KSR2: variants seen among roughly 807,000 people sequenced by gnomAD.
KSR2 encodes kinase suppressor of ras 2.
A neutral mutation model predicts 107.8 loss-of-function variants in KSR2; 25 were observed. That is an observed-to-expected ratio of 0.23 (90% CI 0.17 to 0.32). KSR2 has a LOEUF of 0.32. Ranked by LOEUF, KSR2 falls within the 10% of genes least tolerant of loss-of-function variation. The pLI is 1.00. For synonymous variants in KSR2, 480 were observed against 507.0 expected (o/e 0.95, Z 0.71); for missense variants, 887 against 1,268.9 (o/e 0.70, Z 4.57).
In KSR2 at chr12:117,496,900, C is replaced by T. The variant is rs181278396; in HGVS notation, c.2220-11209G>A. On this transcript the variant is annotated intron_variant, in intron 14 of 19. Coordinates refer to ENST00000339824, the MANE Select transcript of KSR2 (RefSeq NM_173598.6). Reference sequence around the variant, plus strand: ...GAGTCTCGCTCTGTTGCCCAGGCTGCAGTGCAGTGGCACAATCTCAGCTCA... The same window carrying T: ...GAGTCTCGCTCTGTTGCCCAGGCTGTAGTGCAGTGGCACAATCTCAGCTCA... Among the ~76,000 whole-genome samples the T allele has an allele frequency of 5.6e-3, 850 of 151,078 alleles. 1 individual carries two copies. The highest frequency in any genetic ancestry group is 0.014 in the Middle Eastern group (4 of 294).
intron 5 of KSR2, among the ~76,000 whole-genome samples, chr12:117,617,293 C>T (rs565322837): frequency 9.9e-5 from 15 of 152,220 alleles, no homozygotes; most frequent in Non-Finnish European, 1.6e-4. Context: ...CTAATCCTTC[C>T]GCTAGTTCAC....
chr12:117,862,730 T>TGC, intron 1 of KSR2, among the ~76,000 whole-genome samples: 1 of 105,768 alleles, frequency 9.5e-6, no homozygotes, highest in Non-Finnish European at 1.8e-5. Context: ...TTCCCCCCCT[T>TGC]TTTTTTTTTT....
chr12:117,865,223 G>A lies in KSR2; in HGVS notation c.181-4792C>T, dbSNP rs994477279. Among the ~76,000 whole-genome samples the A allele has an allele frequency of 4.0e-4, 61 of 152,246 alleles. 2 individuals carry two copies. The highest frequency in any genetic ancestry group is 3.4e-3 in the Middle Eastern group (1 of 294). On this transcript the variant is annotated intron_variant, in intron 1 of 19. Coordinates refer to ENST00000339824, the MANE Select transcript of KSR2 (RefSeq NM_173598.6). ...AAGATAATGTACTTTTAATCGGATA[G>A]AAAACTGTGTCTTCCTAATTTGTAA...
intron 5 of KSR2, among the ~76,000 whole-genome samples, chr12:117,603,374 TA>T (rs2136296198): frequency 6.6e-6 from 1 of 152,368 alleles, no homozygotes; most frequent in African/African-American, 2.4e-5. Context: ...ACAGTAGCCC[TA>T]TGCACAGAAC....
Position 117,539,557 on chromosome 12 carries a change from A to G in KSR2, c.1687+162T>C, listed in dbSNP as rs572583577. ...TATAAGGGTAATTGCTTAGGGTACG[A>G]TAAGGGTCAGTCCACATACTTCCTT... On this transcript the variant is annotated intron_variant, in intron 10 of 19. Coordinates refer to ENST00000339824, the MANE Select transcript of KSR2 (RefSeq NM_173598.6). 2.5e-4 allele frequency: 152 copies of G among 603,116 alleles called. 2 individuals carry two copies. In the South Asian group the frequency reaches 3.6e-3, roughly 14 times the overall value. 37.4% of individuals were successfully genotyped at this position (603,116 alleles called of 1,614,324 possible). A position where few individuals can be genotyped will look rare whatever the true frequency, so the allele number is the denominator to read the frequency against.
At chr12:117,874,728 C>G (rs984163664) in intron 1 of KSR2, among the ~76,000 whole-genome samples, 1 of 152,038 alleles carries the variant, frequency 6.6e-6, no homozygotes, top group Non-Finnish European at 1.5e-5. Flanking sequence ...AGAAAAGGGC[C>G]TTTGTATGGC....
Position 117,686,215 on chromosome 12 carries a change from A to ATTTTTTTTT in KSR2, c.987-18566_987-18558dup, listed in dbSNP as rs55772468. Among the ~76,000 whole-genome samples, 425 of 78,006 alleles carry ATTTTTTTTT rather than the reference A, an allele frequency of 5.4e-3. 18 individuals are homozygous for ATTTTTTTTT. Among genetic ancestry groups the ATTTTTTTTT allele is most frequent in the Non-Finnish European group, 6.8e-3 (312 of 46,038 alleles). The allele number at this position is 78,006 out of a possible 152,430, so 51.2% of individuals were successfully genotyped here. ...AGGCACACACCACCACACCCAGCTA[A>ATTTTTTTTT]TTTTTTTTTTTTTTTTTTTTTTTTT... On this transcript the variant is annotated intron_variant, in intron 4 of 19. Coordinates refer to ENST00000339824, the MANE Select transcript of KSR2 (RefSeq NM_173598.6).
chr12:117,747,545 A>C (rs1888455675), intron 4 of KSR2, among the ~76,000 whole-genome samples: 1 of 152,170 alleles, frequency 6.6e-6, no homozygotes, highest in African/African-American at 2.4e-5. Context: ...GCACATGTAT[A>C]CCTGTGTGAC....
At chr12:117,502,800 G>A (rs1408586264) in intron 14 of KSR2, among the ~76,000 whole-genome samples, 1 of 152,166 alleles carries the variant, frequency 6.6e-6, no homozygotes, top group African/African-American at 2.4e-5. Context: ...AAAACACCCT[G>A]ATTTCACAGC....
chr12:117,877,169 T>G (rs1893880342), intron 1 of KSR2, among the ~76,000 whole-genome samples: 1 of 152,252 alleles, frequency 6.6e-6, no homozygotes, highest in East Asian at 1.9e-4. Flanking sequence ...AAACCCTGTC[T>G]CTACTAAAAA....
rs577481017 is a variant in KSR2 at position 117,564,772 on chromosome 12, G to C, written c.1326-6199C>G. 3.9e-5 allele frequency among the ~76,000 whole-genome samples: 6 copies of C among 152,276 alleles called. No homozygotes were observed. The South Asian group carries it at 1.2e-3, about 32-fold the overall frequency. Reference sequence around the variant, plus strand: ...TTATCTGGTGGGTAAGTATCAGAGAGATGGAGGGAAAGAGGAGGAAAGAAA... The same window carrying C: ...TTATCTGGTGGGTAAGTATCAGAGACATGGAGGGAAAGAGGAGGAAAGAAA... On this transcript the variant is annotated intron_variant, in intron 7 of 19. Transcript: ENST00000339824.
chr12:117,958,470 T>C (rs1027667010), intron 1 of KSR2, among the ~76,000 whole-genome samples: 1 of 152,270 alleles, frequency 6.6e-6, no homozygotes, highest in East Asian at 1.9e-4. Flanking sequence ...CACTGTGGCA[T>C]TGTTATAAAA....
At chr12:117,874,924 G>T (rs149363298) in intron 1 of KSR2, among the ~76,000 whole-genome samples, 1 of 152,278 alleles carries the variant, frequency 6.6e-6, no homozygotes, top group East Asian at 1.9e-4. Context: ...CTGCCCAGGT[G>T]TAGAATGAGG....
chr12:117,506,337 A>G (rs2137187233), intron 14 of KSR2, among the ~76,000 whole-genome samples: 1 of 152,302 alleles, frequency 6.6e-6, no homozygotes, highest in South Asian at 2.1e-4. Context: ...GGTTCTCCAT[A>G]TTATATGTTA....
chr12:117,565,333 G>A (rs1191194463), intron 7 of KSR2, among the ~76,000 whole-genome samples: 1 of 152,150 alleles, frequency 6.6e-6, no homozygotes, highest in African/African-American at 2.4e-5. Context: ...TCTGACTAGG[G>A]CCCAGTCTTT....
chr12:117,856,126 C>T (rs1026547926), intron 2 of KSR2, among the ~76,000 whole-genome samples: 5 of 152,152 alleles, frequency 3.3e-5, no homozygotes, highest in African/African-American at 9.7e-5. Context: ...GTCCATGCCC[C>T]GTGCTGGAAA....
chr12:117,765,208 G>A (rs774281372), intron 3 of KSR2, among the ~76,000 whole-genome samples: 3 of 152,214 alleles, frequency 2.0e-5, no homozygotes, highest in East Asian at 1.9e-4. Flanking sequence ...ATACAAGCTC[G>A]TTGTCAAGTT....
chr12:117,914,744 C>T (rs1444849573), intron 1 of KSR2, among the ~76,000 whole-genome samples: 2 of 152,136 alleles, frequency 1.3e-5, no homozygotes, highest in Non-Finnish European at 2.9e-5. Flanking sequence ...CTATGTTGCC[C>T]AGGCTGGTCT....
intron 3 of KSR2, among the ~76,000 whole-genome samples, chr12:117,807,688 A>G (rs554517645): frequency 6.6e-6 from 1 of 152,366 alleles, no homozygotes; most frequent in East Asian, 1.9e-4. Context: ...TGTTCAACAA[A>G]TATCTATTGA....
Sources: allele counts gnomAD v4.1 joint callset (sites outside exome capture counted in the v4.1 genomes callset), GRCh38; gene constraint gnomAD v4.1.1; transcripts MANE v1.5; gene names NCBI Gene and HGNC (gene_info 2026-07-23, HGNC 2026-07-21).